COLEC10: variants seen among roughly 807,000 people sequenced by gnomAD.
COLEC10 encodes collectin-10.
COLEC10 carries 22 observed loss-of-function variants against 28.4 expected under a neutral mutation model. The observed-to-expected ratio is 0.78, with a 90% confidence interval of 0.55 to 1.11. The LOEUF (loss-of-function observed/expected upper bound fraction) is 1.11. Ranked by LOEUF, COLEC10 falls within the 50% of genes least tolerant of loss-of-function variation. COLEC10 has a pLI of 0.00. For synonymous variants in COLEC10, 125 were observed against 116.1 expected, an observed-to-expected ratio of 1.08 and a Z score of -0.49; for missense variants, 361 against 344.1, an observed-to-expected ratio of 1.05 and a Z score of -0.39.
chr8:119,092,315 G>T (rs1309891102), intron 3 of COLEC10, among the ~76,000 whole-genome samples: 1 of 151,964 alleles, frequency 6.6e-6, no homozygotes, highest in East Asian at 1.9e-4. Context: ...CAGGTGATCT[G>T]CCCGCCTTGG....
chr8:119,096,439 A>G (rs562931304), intron 3 of COLEC10, among the ~76,000 whole-genome samples: 26 of 150,422 alleles, frequency 1.7e-4, no homozygotes, highest in Admixed American at 8.6e-4. Context: ...TAAAAATGCA[A>G]AATTAGCTGG....
the COLEC10 span, among the ~76,000 whole-genome samples, chr8:118,974,612 G>A: frequency 6.6e-6 from 1 of 151,938 alleles, no homozygotes; most frequent in South Asian, 2.1e-4. Context: ...GACTACAGTT[G>A]TTCATTCTCA....
chr8:119,010,140 A>G lies in COLEC10; in HGVS notation n.235+587A>G, dbSNP rs1273492074. Among the ~76,000 whole-genome samples, 2 of 150,692 alleles carry G rather than the reference A, an allele frequency of 1.3e-5. 1 individual carries two copies. Among genetic ancestry groups the G allele is most frequent in the African/African-American group, 5.0e-5 (2 of 40,182 alleles). On this transcript the variant is annotated intron_variant and non_coding_transcript_variant, in intron 2 of 6. Transcript: ENST00000521788. The stretch of plus-strand genomic sequence containing the variant: ...AGTATCATGCAGAATAGTTCCCCTG[A>G]CTTAAAAATCATCTGTGTTCTACGT...
intron 2 of COLEC10, among the ~76,000 whole-genome samples, chr8:119,050,633 A>G (rs566839009): frequency 1.3e-5 from 2 of 152,364 alleles, no homozygotes; most frequent in African/African-American, 4.8e-5. Context: ...GAATGAATAT[A>G]TCATTCTAAG....
the COLEC10 span, among the ~76,000 whole-genome samples, chr8:118,989,340 GA>G: frequency 1.3e-5 from 2 of 152,072 alleles, no homozygotes; most frequent in African/African-American, 4.8e-5. Context: ...AAACAGATGA[GA>G]AAATCCAAAC....
the COLEC10 span, among the ~76,000 whole-genome samples, chr8:118,956,828 C>T: frequency 2.0e-5 from 3 of 152,096 alleles, no homozygotes; most frequent in East Asian, 5.8e-4. Context: ...TTGTCTATAC[C>T]TGGCTAATGA....
chr8:118,980,852 A>G, the COLEC10 span, among the ~76,000 whole-genome samples: 5 of 152,032 alleles, frequency 3.3e-5, no homozygotes, highest in African/African-American at 1.2e-4. Context: ...ATATTTTCCT[A>G]TGGCTCAAAT....
intron 1 of COLEC10, among the ~76,000 whole-genome samples, chr8:119,085,360 G>T (rs1815453170): frequency 6.6e-6 from 1 of 152,144 alleles, no homozygotes; most frequent in African/African-American, 2.4e-5. Context: ...AAGTACTAGG[G>T]AGTGGTTTGT....
the COLEC10 span, among the ~76,000 whole-genome samples, chr8:118,960,791 A>G: frequency 1.4e-5 from 2 of 143,368 alleles, no homozygotes; most frequent in African/African-American, 5.9e-5. Flanking sequence ...CTGTGAAAAA[A>G]AAAAAAAAAA....
At chr8:118,957,741 A>G in the COLEC10 span, among the ~76,000 whole-genome samples, 1 of 152,216 alleles carries the variant, frequency 6.6e-6, no homozygotes, top group African/African-American at 2.4e-5. Context: ...CTTAGAGTAC[A>G]TTAAGAATGA....
chr8:119,105,269 C>T (rs1815914102), intron 5 of COLEC10, among the ~76,000 whole-genome samples: 1 of 151,930 alleles, frequency 6.6e-6, no homozygotes, highest in Non-Finnish European at 1.5e-5. Flanking sequence ...GTGTTGAGTG[C>T]TAGAAGGAGG....
intron 3 of COLEC10, 112 bp from the exon 4 acceptor site, chr8:119,102,233 TCCC>T (rs1563744694): frequency 1.2e-5 from 3 of 243,564 alleles, no homozygotes; most frequent in African/African-American, 5.7e-5. Context: ...CCTCCCTCCC[TCCC>T]TCCCTCCTTC....
chr8:118,987,879 A>G, the COLEC10 span, among the ~76,000 whole-genome samples: 1 of 152,170 alleles, frequency 6.6e-6, no homozygotes, highest in African/African-American at 2.4e-5. Flanking sequence ...TATAAAAATA[A>G]TAAATAGTCT....
chr8:119,104,727 A>G (rs1815904179), intron 5 of COLEC10, among the ~76,000 whole-genome samples: 1 of 152,182 alleles, frequency 6.6e-6, no homozygotes, highest in Non-Finnish European at 1.5e-5. Context: ...AGGCAAAGGA[A>G]ATACTTGATA....
At chr8:119,086,352 C>T (rs1308889637) in intron 1 of COLEC10, among the ~76,000 whole-genome samples, 1 of 151,180 alleles carries the variant, frequency 6.6e-6, no homozygotes, top group African/African-American at 2.4e-5. Context: ...CCAGTAAATA[C>T]AAAAACAAAC....
chr8:119,086,517 G>A (rs1815484519), intron 1 of COLEC10, among the ~76,000 whole-genome samples: 2 of 152,122 alleles, frequency 1.3e-5, no homozygotes, highest in African/African-American at 4.8e-5. Context: ...CTTCATCTGT[G>A]CCAGAAGCCT....
At chr8:119,035,745 G>A (rs1050192614) in intron 2 of COLEC10, among the ~76,000 whole-genome samples, 4 of 152,244 alleles carry the variant, frequency 2.6e-5, no homozygotes, top group Non-Finnish European at 4.4e-5. Context: ...GGGCCTTCCA[G>A]TTATAATTGT....
intron 1 of COLEC10, among the ~76,000 whole-genome samples, chr8:118,996,443 T>G (rs1813591877): frequency 6.6e-6 from 1 of 152,208 alleles, no homozygotes; most frequent in African/African-American, 2.4e-5. Flanking sequence ...TCGTTCTGCT[T>G]TTTACAGTGG....
chr8:118,960,894 C>A, the COLEC10 span, among the ~76,000 whole-genome samples: 1 of 152,102 alleles, frequency 6.6e-6, no homozygotes, highest in South Asian at 2.1e-4. Context: ...CTTCCTCCAC[C>A]CTGCAGAGCT....
Sources: allele counts gnomAD v4.1 joint callset (sites outside exome capture counted in the v4.1 genomes callset), GRCh38; gene constraint gnomAD v4.1.1; transcripts MANE v1.5; gene names NCBI Gene and HGNC (gene_info 2026-07-23, HGNC 2026-07-21).